The following AKNAD1 variants were observed in gnomAD, a reference collection of about 807,000 sequenced individuals.
The protein encoded by AKNAD1 is AKNA domain containing 1, also known as protein AKNAD1.
Under a neutral mutation model 90.8 loss-of-function variants are expected in AKNAD1, and 67 were observed. The observed-to-expected ratio is 0.74, with a 90% CI of 0.61 to 0.90. The LOEUF (loss-of-function observed/expected upper bound fraction) is 0.90, where lower values mean the gene tolerates loss of function less well. Ranked by LOEUF, AKNAD1 falls within the 40% of genes least tolerant of loss-of-function variation. The probability of loss-of-function intolerance (pLI) is 0.00; values close to 1 mark genes in which losing one functional copy is unlikely to be tolerated. For synonymous variants in AKNAD1, 327 were observed against 341.4 expected, an observed-to-expected ratio of 0.96 and a Z score of 0.46; for missense variants, 957 against 975.4, an observed-to-expected ratio of 0.98 and a Z score of 0.25.
chr1:108,835,184 T>A lies in AKNAD1; in HGVS notation c.1537-128A>T, dbSNP rs893420667. On this transcript the variant is annotated intron_variant, in intron 7 of 15. Transcript: ENST00000370001. ...ATCCTGCCTGGCGTCCCCCCACCCC[T>A]GTCTCCCCCAGCTCTTTACCTAGCT... is the stretch of plus-strand genomic sequence containing the variant. The A allele has an allele frequency of 6.9e-6, 7 of 1,018,046 alleles. No homozygotes were observed. In the African/African-American group the frequency reaches 6.9e-5, roughly 10 times the overall value. The allele number at this position is 1,018,046 out of a possible 1,614,324, so 63.1% of individuals were successfully genotyped here. A position where few individuals can be genotyped will look rare whatever the true frequency, so the allele number is the denominator to read the frequency against.
chr1:108,830,702 CG>C, intron 9 of AKNAD1, 52 bp from the exon 10 acceptor site: 2 of 1,572,678 alleles, frequency 1.3e-6, no homozygotes, highest in Non-Finnish European at 1.7e-6. Flanking sequence ...TGACTCACGC[CG>C]CGGCTGCACA....
intron 6 of AKNAD1, among the ~76,000 whole-genome samples, chr1:108,838,928 G>A (rs1664456322): frequency 1.3e-5 from 2 of 152,118 alleles, no homozygotes; most frequent in South Asian, 2.1e-4. Context: ...TGAAGAGTGG[G>A]ATAATGGGTG....
At chr1:108,837,193 A>G (rs1664410460) in intron 7 of AKNAD1, 1 of 167,448 alleles carries the variant, frequency 6.0e-6, no homozygotes, top group Non-Finnish European at 1.3e-5. Context: ...AGATCGTGCT[A>G]CCACACTCCA....
rs1223624437 is a variant in AKNAD1, at chr1:108,827,197, C to T, written c.1936+8G>A. 2 of 1,605,294 alleles carry T rather than the reference C, an allele frequency of 1.2e-6. No homozygotes were observed. Among genetic ancestry groups the T allele is most frequent in the South Asian group, 1.1e-5 (1 of 90,474 alleles). ...AAATGAGCACCCAGCCCAAGCCCATCAACTTACTGGGAGTTGAATCTGAGT... is the reference window on the plus strand; with the variant it reads ...AAATGAGCACCCAGCCCAAGCCCATTAACTTACTGGGAGTTGAATCTGAGT... On this transcript the variant is annotated splice_region_variant and intron_variant, in intron 11 of 15. Transcript: ENST00000370001.
Position 108,851,917 on chromosome 1 carries a change from C to G in AKNAD1, c.748G>C (p.Gly250Arg). The G allele has an allele frequency of 6.2e-7, 1 of 1,614,088 alleles. No homozygotes were observed. The change falls in exon 2 of 16, where the codon GGC becomes CGC. Residue 250 changes from glycine to arginine, a missense_variant. Coordinates refer to ENST00000370001, the MANE Select transcript of AKNAD1 (RefSeq NM_152763.5). The part of the protein sequence containing the change: ...KANSGNTFKY[G>R]QGQVHYQLPD... ...AGCTGGTAATGAACTTGACCTTGGCCGTATTTGAACGTGTTGCCTGAATTT... is the reference window on the plus strand; with the variant it reads ...AGCTGGTAATGAACTTGACCTTGGCGGTATTTGAACGTGTTGCCTGAATTT...
At chr1:108,844,621 C>T (rs930968793) in intron 5 of AKNAD1, among the ~76,000 whole-genome samples, 22 of 151,960 alleles carry the variant, frequency 1.4e-4, no homozygotes, top group African/African-American at 5.3e-4. Context: ...GGTGAGGTTA[C>T]AGGATCAGAC....
chr1:108,845,205 T>C (rs1457606594), intron 5 of AKNAD1, among the ~76,000 whole-genome samples: 1 of 152,210 alleles, frequency 6.6e-6, no homozygotes. Flanking sequence ...GTGTGGCAGA[T>C]GTTTTACATT....
intron 9 of AKNAD1, among the ~76,000 whole-genome samples, chr1:108,831,745 GC>G (rs1024243573): frequency 6.6e-6 from 1 of 151,328 alleles, no homozygotes; most frequent in African/African-American, 2.4e-5. Flanking sequence ...TTCTGGCTCA[GC>G]CCCCCAAGTA....
At chr1:108,826,740 T>C (rs978223427) in intron 11 of AKNAD1, among the ~76,000 whole-genome samples, 5 of 108,424 alleles carry the variant, frequency 4.6e-5, no homozygotes, top group Non-Finnish European at 1.1e-4. Flanking sequence ...TCTTTTCTTT[T>C]TCTTTTTTTT....
At chr1:108,816,911 C>G (rs529639772) in intron 15 of AKNAD1, 137 bp downstream of exon 15, 1 of 1,029,736 alleles carries the variant, frequency 9.7e-7, no homozygotes, top group Non-Finnish European at 1.4e-6. Context: ...TAGCTTAGTT[C>G]TGAGCACAAA....
At chr1:108,839,910 T>G (rs1664490566) in intron 6 of AKNAD1, among the ~76,000 whole-genome samples, 1 of 151,802 alleles carries the variant, frequency 6.6e-6, no homozygotes, top group African/African-American at 2.4e-5. Context: ...CTGTAGTCCC[T>G]GCTACTCAGG....
intron 9 of AKNAD1, among the ~76,000 whole-genome samples, chr1:108,834,193 T>G (rs1664300639): frequency 6.6e-6 from 1 of 152,150 alleles, no homozygotes; most frequent in Admixed American, 6.5e-5. Flanking sequence ...TAACAAGATC[T>G]GCAGGTGATT....
At position 108,848,750 on chromosome 1, in the gene AKNAD1, A is replaced by G. The variant is rs775867185; in HGVS notation, c.1245+2T>C. 1 of 1,604,790 alleles carries G rather than the reference A, an allele frequency of 6.2e-7. No homozygotes were observed. Among genetic ancestry groups the G allele is most frequent in the South Asian group, 1.1e-5 (1 of 88,306 alleles). On this transcript the variant is annotated splice_donor_variant, in intron 5 of 15. Transcript: ENST00000370001. LOFTEE classifies it high-confidence loss of function. ...TTTTAAAAACGGGATAAAATTCATT[A>G]CCAGCTTCTTGTCTTGCAAATGGTA...
intron 13 of AKNAD1, among the ~76,000 whole-genome samples, chr1:108,822,559 G>A (rs949004088): frequency 1.3e-5 from 2 of 152,134 alleles, no homozygotes; most frequent in Admixed American, 6.5e-5. Context: ...CACAGCTGAG[G>A]TCAGTCAGGT....
At chr1:108,821,164 T>C (rs1254991004) in intron 13 of AKNAD1, among the ~76,000 whole-genome samples, 1 of 150,672 alleles carries the variant, frequency 6.6e-6, no homozygotes, top group African/African-American at 2.4e-5. Context: ...TTAAAGGGAG[T>C]TTTAGGCCAG....
intron 6 of AKNAD1, among the ~76,000 whole-genome samples, chr1:108,838,349 T>C (rs1424636528): frequency 6.7e-6 from 1 of 149,924 alleles, no homozygotes; most frequent in Non-Finnish European, 1.5e-5. Context: ...CCTGTTTAAT[T>C]AGAAATTTTA....
intron 9 of AKNAD1, among the ~76,000 whole-genome samples, chr1:108,832,394 T>C (rs1664230039): frequency 6.6e-6 from 1 of 152,004 alleles, no homozygotes; most frequent in African/African-American, 2.4e-5. Context: ...CAGCTAATTT[T>C]GGTATGTCTT....
At chr1:108,840,059 A>G (rs1664497542) in intron 6 of AKNAD1, among the ~76,000 whole-genome samples, 1 of 152,110 alleles carries the variant, frequency 6.6e-6, no homozygotes. Context: ...AATATTAATT[A>G]TCCAATATTG....
intron 13 of AKNAD1, 68 bp downstream of exon 13, chr1:108,823,302 T>G: frequency 8.0e-7 from 1 of 1,243,312 alleles, no homozygotes; most frequent in Non-Finnish European, 1.2e-6. Context: ...GCCAGTGTCA[T>G]GTGAATGTCC....
Sources: gnomAD v4.1 joint callset for allele counts (sites outside exome capture counted in the v4.1 genomes callset) on GRCh38, gnomAD v4.1.1 for gene constraint, MANE v1.5 for transcripts, NCBI Gene and HGNC (gene_info 2026-07-23, HGNC 2026-07-21) for gene names.